Variants in FSIP2 observed in about 807,000 individuals in gnomAD.
FSIP2 encodes the protein fibrous sheath-interacting protein 2.
In FSIP2, 367 loss-of-function variants were observed where a neutral mutation model predicts 510.5. The observed-to-expected ratio is 0.72, with a 90% CI of 0.66 to 0.78. FSIP2 has a LOEUF of 0.78. FSIP2 is among the 30% of genes least tolerant of loss of function. The probability of loss-of-function intolerance (pLI) is 0.00; values close to 1 mark genes in which losing one functional copy is unlikely to be tolerated. For missense variants in FSIP2, 7,594 were observed against 7,901.7 expected, an observed-to-expected ratio of 0.96 and a Z score of 1.48; for synonymous variants, 2,601 against 2,732.2, an observed-to-expected ratio of 0.95 and a Z score of 1.50.
At chr2:185,768,481 A>C (rs1692541370) in intron 13 of FSIP2, among the ~76,000 whole-genome samples, 1 of 152,056 alleles carries the variant, frequency 6.6e-6, no homozygotes, top group Non-Finnish European at 1.5e-5. Context: ...CTGCCTGTGG[A>C]CATACCGTTT....
rs1240550111 is a variant in FSIP2, at chr2:185,789,741, G to A, written c.2605G>A (p.Gly869Ser). 2.0e-6 allele frequency: 3 copies of A among 1,534,162 alleles called. No individual in the cohort carries two copies. In the East Asian group the frequency reaches 7.3e-5, roughly 38 times the overall value. Reference sequence around the variant, plus strand: ...AATATGTATGTTCCTTCAAAGAGCTGGCAAAAATAAATCTAGTCTTGAATC... The same window carrying A: ...AATATGTATGTTCCTTCAAAGAGCTAGCAAAAATAAATCTAGTCTTGAATC... ...DPICMFLQRA[G>S]KNKSSLESDE... Residue 869 changes from glycine to serine, a missense_variant, in exon 16 of 23, where the codon GGC becomes AGC. Coordinates refer to ENST00000424728, the MANE Select transcript of FSIP2 (RefSeq NM_173651.4).
Position 185,815,466 on chromosome 2 carries a change from T to C in FSIP2, c.20421T>C (p.Ser6807=), listed in dbSNP as rs576849369. ...ACAACCAAGAAGATCTCATTTCATC[T>C]ACTGGGTATATGAAATTAAAGCAGT... ...SSYNQEDLIS[S]TGEAEDCHSD... Residue 6807 remains serine (S), a synonymous_variant, in exon 19 of 23, where the codon TCT becomes TCC. Transcript: ENST00000424728. The C allele has an allele frequency of 5.7e-5, 76 of 1,329,846 alleles. 1 individual carries two copies. In the South Asian group the frequency reaches 9.0e-4, roughly 16 times the overall value. 82.4% of individuals were successfully genotyped at this position (1,329,846 alleles called of 1,614,324 possible).
In FSIP2 at chr2:185,790,849, T is replaced by C. The variant is rs568633111; in HGVS notation, c.3713T>C (p.Val1238Ala). 4 of 1,533,118 alleles carry C rather than the reference T, an allele frequency of 2.6e-6. No individual in the cohort carries two copies. Among genetic ancestry groups the C allele is most frequent in the Admixed American group, 3.9e-5 (2 of 50,782 alleles). 95.0% of individuals were successfully genotyped at this position (1,533,118 alleles called of 1,614,324 possible). A position where few individuals can be genotyped will look rare whatever the true frequency, so the allele number is the denominator to read the frequency against. The part of the protein sequence containing the change: ...KKMKYLSLFD[V>A]DPEKPPWLKS... ...ATGAAATATTTATCTTTATTTGACG[T>C]TGATCCTGAAAAGCCTCCCTGGTTA... is the stretch of plus-strand genomic sequence containing the variant. Residue 1238 changes from valine (V) to alanine (A), a missense_variant, in exon 16 of 23, where the codon GTT becomes GCT. Physicochemically the swap from Val to Ala is moderately conservative, Grantham distance 64. Coordinates refer to ENST00000424728, the MANE Select transcript of FSIP2 (RefSeq NM_173651.4).
In FSIP2 at chr2:185,793,968, C is replaced by A. The variant is rs1171223742; in HGVS notation, c.6832C>A (p.Gln2278Lys). 1 of 1,528,518 alleles carries A rather than the reference C, an allele frequency of 6.5e-7. No homozygotes were observed. Among genetic ancestry groups the A allele is most frequent in the African/African-American group, 1.4e-5 (1 of 72,528 alleles). 94.7% of individuals were successfully genotyped at this position (1,528,518 alleles called of 1,614,324 possible). The change falls in exon 16 of 23, where the codon CAA becomes AAA. Residue 2278 changes from glutamine to lysine, a missense_variant. Transcript: ENST00000424728. ...AGATTCATTAATTACCCTTGCTTTC[C>A]AAAGTAAAGAAAAGTCATTTGTTAT... ...RIDSLITLAF[Q>K]SKEKSFVIPE...
chr2:185,766,442 A>G (rs997805301), intron 13 of FSIP2: 17 of 148,916 alleles, frequency 1.1e-4, no homozygotes, highest in African/African-American at 4.2e-4. Flanking sequence ...AATAACCAGA[A>G]TCTACAATGA....
At chr2:185,756,751 T>C (rs1489813078) in intron 9 of FSIP2, among the ~76,000 whole-genome samples, 2 of 151,288 alleles carry the variant, frequency 1.3e-5, no homozygotes, top group African/African-American at 2.4e-5. Flanking sequence ...CAAATTACAA[T>C]ATAAAAATCC....
At chr2:185,775,970 T>TA (rs1692708521) in intron 13 of FSIP2, among the ~76,000 whole-genome samples, 1 of 152,180 alleles carries the variant, frequency 6.6e-6, no homozygotes, top group South Asian at 2.1e-4. Flanking sequence ...GCCAGGTTTT[T>TA]ATTTAAAAAT....
chr2:185,776,676 T>A (rs1692729677), intron 13 of FSIP2, among the ~76,000 whole-genome samples: 1 of 152,176 alleles, frequency 6.6e-6, no homozygotes, highest in South Asian at 2.1e-4. Flanking sequence ...ATATGACATT[T>A]TTAAGTGTTT....
At chr2:185,757,347 A>C (rs971112604) in intron 9 of FSIP2, among the ~76,000 whole-genome samples, 2 of 151,440 alleles carry the variant, frequency 1.3e-5, no homozygotes, top group African/African-American at 4.8e-5. Flanking sequence ...TGTCTGGAGA[A>C]CAGACCTGTA....
chr2:185,743,038 C>T, intron 2 of FSIP2, 95 bp from the exon 3 acceptor site: 1 of 935,900 alleles, frequency 1.1e-6, no homozygotes, highest in Non-Finnish European at 1.5e-6. Flanking sequence ...ATTCTTTTGG[C>T]ACATTTTATT....
intron 9 of FSIP2, among the ~76,000 whole-genome samples, chr2:185,758,221 C>T (rs940933875): frequency 6.6e-6 from 1 of 151,060 alleles, no homozygotes; most frequent in Non-Finnish European, 1.5e-5. Context: ...ATTCTTCAAT[C>T]AAAAGAAATT....
chr2:185,763,123 T>C (rs1354708986), intron 11 of FSIP2, 60 bp from the exon 12 acceptor site: 19 of 767,298 alleles, frequency 2.5e-5, no homozygotes, highest in South Asian at 2.2e-4. Context: ...TAAATTAATA[T>C]TAACCCTTGT....
rs948906038 is a variant in FSIP2 at position 185,800,539 on chromosome 2, C to G, written c.11233C>G (p.Leu3745Val). 30 of 1,528,610 alleles carry G rather than the reference C, an allele frequency of 2.0e-5. No homozygotes were observed. In the Admixed American group the frequency reaches 2.2e-4, roughly 11 times the overall value. The allele number at this position is 1,528,610 out of a possible 1,614,324, so 94.7% of individuals were successfully genotyped here. Residue 3745 changes from leucine to valine, a missense_variant, in exon 17 of 23, where the codon CTC becomes GTC. Coordinates refer to ENST00000424728, the MANE Select transcript of FSIP2 (RefSeq NM_173651.4). ...TAGCATACTTACCAATAACCTACAG[C>G]TCTCCTCAAAATCAGTTTTTCTTCT... is the stretch of plus-strand genomic sequence containing the variant. ...PNSILTNNLQ[L>V]SSKSVFLLNV...
At chr2:185,758,448 T>G (rs767702062) in intron 9 of FSIP2, among the ~76,000 whole-genome samples, 11 of 151,352 alleles carry the variant, frequency 7.3e-5, no homozygotes, top group Non-Finnish European at 1.2e-4. Flanking sequence ...TTATGTATGT[T>G]ATATGTATTA....
chr2:185,755,675 CAG>C (rs1424500544), intron 8 of FSIP2, among the ~76,000 whole-genome samples: 1 of 151,490 alleles, frequency 6.6e-6, no homozygotes, highest in Non-Finnish European at 1.5e-5. Context: ...AATGGGGAAA[CAG>C]ATCACTCTTA....
In FSIP2 at chr2:185,801,227, C is replaced by A. The variant is rs983617279; in HGVS notation, c.11921C>A (p.Thr3974Lys). Residue 3974 changes from threonine to lysine, a missense_variant, in exon 17 of 23, where the codon ACA becomes AAA. Coordinates refer to ENST00000424728, the MANE Select transcript of FSIP2 (RefSeq NM_173651.4). ...EGIYAGVYSATFLEGIISELF... is the reference protein window; with the variant it reads ...EGIYAGVYSAKFLEGIISELF... ...ATATATGCTGGTGTTTATTCAGCCA[C>A]ATTTTTGGAAGGAATAATTTCAGAA... The A allele has an allele frequency of 1.4e-5, 22 of 1,534,132 alleles. No individual in the cohort carries two copies. In the Admixed American group the frequency reaches 4.1e-4, roughly 29 times the overall value.
chr2:185,820,614 G>C (rs186121438), intron 19 of FSIP2, among the ~76,000 whole-genome samples: 45 of 151,470 alleles, frequency 3.0e-4, no homozygotes, highest in African/African-American at 8.7e-4. Context: ...AATTTTAAAA[G>C]TCTGAATATA....
intron 10 of FSIP2, 31 bp from the exon 11 acceptor site, chr2:185,761,940 TA>T: frequency 7.9e-7 from 1 of 1,263,212 alleles, no homozygotes; most frequent in Non-Finnish European, 1.1e-6. Context: ...GTTACTAATG[TA>T]ATTTTTTCTC....
At position 185,795,748 on chromosome 2, in the gene FSIP2, T is replaced by C; in HGVS notation, c.8612T>C (p.Ile2871Thr). The change falls in exon 16 of 23, where the codon ATA (isoleucine) becomes ACA (threonine). Residue 2871 changes from isoleucine to threonine, a missense_variant. Coordinates refer to ENST00000424728, the MANE Select transcript of FSIP2 (RefSeq NM_173651.4). ...GAAAATGTTTTGACTGAAATTTCAA[T>C]AAAAGCAAAAGAATTAGAATATTCT... ...IAENVLTEIS[I>T]KAKELEYSLS... The C allele has an allele frequency of 6.5e-7, 1 of 1,533,128 alleles. No homozygotes were observed. The allele number at this position is 1,533,128 out of a possible 1,614,324, so 95.0% of individuals were successfully genotyped here.
Sources: allele counts gnomAD v4.1 joint callset (sites outside exome capture counted in the v4.1 genomes callset), GRCh38; gene constraint gnomAD v4.1.1; transcripts MANE v1.5; gene names NCBI Gene and HGNC (gene_info 2026-07-23, HGNC 2026-07-21).